Variants in KCNIP4 observed in about 807,000 individuals in gnomAD.
The protein encoded by KCNIP4 is Kv channel-interacting protein 4.
KCNIP4 carries 12 observed loss-of-function variants against 34.0 expected under a neutral mutation model. That is an observed-to-expected ratio of 0.35 (90% CI 0.23 to 0.57). The LOEUF (loss-of-function observed/expected upper bound fraction) is 0.57, where lower values mean the gene tolerates loss of function less well. KCNIP4 is among the 20% of genes least tolerant of loss of function. The pLI, the probability that KCNIP4 is intolerant of heterozygous loss-of-function variation, is 0.83. For synonymous variants in KCNIP4, 124 were observed against 102.2 expected (o/e 1.21, Z -1.29); for missense variants, 238 against 311.7 (o/e 0.76, Z 1.78).
intron 3 of KCNIP4, among the ~76,000 whole-genome samples, chr4:20,806,841 G>C (rs10002199): frequency 6.6e-6 from 1 of 151,750 alleles, no homozygotes; most frequent in Admixed American, 6.6e-5. Context: ...GAAACAAGGG[G>C]TATGGATGTG....
At chr4:20,995,051 G>A (rs1355493357) in intron 1 of KCNIP4, among the ~76,000 whole-genome samples, 2 of 152,132 alleles carry the variant, frequency 1.3e-5, no homozygotes, top group Admixed American at 6.5e-5. Context: ...TTTTCCTGGA[G>A]TAAGTTTACC....
Position 20,741,267 on chromosome 4 carries a change from G to C in KCNIP4, c.430-6532C>G, listed in dbSNP as rs140034605. ...CTCCACCCCAAATCAACAGAATATA[G>C]ATTCTTCTCAGCACTACGTCACACT... On this transcript the variant is annotated intron_variant, in intron 5 of 8. Transcript: ENST00000382152. 5.1e-3 allele frequency among the ~76,000 whole-genome samples: 773 copies of C among 152,180 alleles called. 8 individuals are homozygous for C. The highest frequency in any genetic ancestry group is 0.017 in the African/African-American group (712 of 41,524).
intron 1 of KCNIP4, among the ~76,000 whole-genome samples, chr4:21,248,679 G>A (rs79358520): frequency 0.027 from 4,106 of 152,196 alleles, 90 homozygotes; most frequent in East Asian, 0.14. Context: ...TCCAGAAGTG[G>A]GGTGCTCAGC....
chr4:21,373,673 G>A (rs1487728075), intron 1 of KCNIP4, among the ~76,000 whole-genome samples: 1 of 146,844 alleles, frequency 6.8e-6, no homozygotes, highest in East Asian at 2.0e-4. Context: ...CATAAAGGTT[G>A]GGTTTCTCAT....
At chr4:21,351,082 A>T (rs1475570176) in intron 1 of KCNIP4, among the ~76,000 whole-genome samples, 1 of 152,198 alleles carries the variant, frequency 6.6e-6, no homozygotes, top group African/African-American at 2.4e-5. Flanking sequence ...GTCAGACAGG[A>T]TATTAATGAT....
chr4:21,184,579 T>A (rs1157193412), intron 1 of KCNIP4, among the ~76,000 whole-genome samples: 2 of 152,168 alleles, frequency 1.3e-5, no homozygotes, highest in Non-Finnish European at 2.9e-5. Flanking sequence ...CTGGTATTAA[T>A]GAGGCCAAGG....
intron 1 of KCNIP4, among the ~76,000 whole-genome samples, chr4:21,820,866 C>T (rs1578031892): frequency 1.3e-5 from 2 of 152,074 alleles, no homozygotes; most frequent in East Asian, 1.9e-4. Context: ...ATTGTACAGT[C>T]ATTCTACTTG....
chr4:21,787,212 C>T (rs554421915), intron 1 of KCNIP4, among the ~76,000 whole-genome samples: 45 of 152,264 alleles, frequency 3.0e-4, no homozygotes, highest in African/African-American at 8.9e-4. Context: ...ATATAAAACA[C>T]GAATAAATTT....
At chr4:21,433,121 T>G (rs114717119) in intron 1 of KCNIP4, among the ~76,000 whole-genome samples, 1,542 of 152,246 alleles carry the variant, frequency 0.01, 26 homozygotes, top group African/African-American at 0.035. Context: ...TGCCTTATAG[T>G]AGGTGGAGTA....
At chr4:21,005,705 A>G (rs1738492220) in intron 1 of KCNIP4, among the ~76,000 whole-genome samples, 1 of 152,154 alleles carries the variant, frequency 6.6e-6, no homozygotes, top group African/African-American at 2.4e-5. Flanking sequence ...TGAAAATAGA[A>G]TTATAGAATT....
At chr4:21,776,955 G>C (rs1020219653) in intron 1 of KCNIP4, among the ~76,000 whole-genome samples, 5 of 151,988 alleles carry the variant, frequency 3.3e-5, no homozygotes, top group African/African-American at 1.2e-4. Context: ...TAGAGACAAG[G>C]TTAGACAGGG....
rs1317331643 is a variant in KCNIP4, at chr4:21,731,821, T to G, written c.61+216750A>C. Among the ~76,000 whole-genome samples the G allele has an allele frequency of 2.0e-5, 3 of 152,102 alleles. No individual in the cohort carries two copies. The East Asian group carries it at 5.8e-4, about 29-fold the overall frequency. ...TCAAGAGATGAGATTGCCATTTTCTTTCCATGTACTAAAAGAATACCAGAC... is the reference window on the plus strand; with the variant it reads ...TCAAGAGATGAGATTGCCATTTTCTGTCCATGTACTAAAAGAATACCAGAC... On this transcript the variant is annotated intron_variant, in intron 1 of 8. Transcript: ENST00000382152.
intron 1 of KCNIP4, among the ~76,000 whole-genome samples, chr4:21,365,820 T>C (rs1055404963): frequency 1.3e-5 from 2 of 152,210 alleles, no homozygotes; most frequent in Non-Finnish European, 2.9e-5. Context: ...GAAATGTTCA[T>C]ATTCCAGTTT....
intron 1 of KCNIP4, among the ~76,000 whole-genome samples, chr4:21,486,177 C>A (rs955079848): frequency 1.3e-5 from 2 of 152,264 alleles, no homozygotes; most frequent in Non-Finnish European, 2.9e-5. Flanking sequence ...TTGATTATTA[C>A]AAAGAATCTT....
At chr4:21,172,056 C>T (rs1483833631) in intron 1 of KCNIP4, among the ~76,000 whole-genome samples, 1 of 152,148 alleles carries the variant, frequency 6.6e-6, no homozygotes, top group East Asian at 1.9e-4. Flanking sequence ...GAGACAGAGT[C>T]TCACTCTGTT....
chr4:21,215,568 A>G (rs976361767), intron 1 of KCNIP4, among the ~76,000 whole-genome samples: 3 of 152,166 alleles, frequency 2.0e-5, no homozygotes, highest in Non-Finnish European at 4.4e-5. Context: ...AACTCTGTGC[A>G]TGCTGGGCAC....
chr4:21,048,144 G>A (rs980821966), intron 1 of KCNIP4, among the ~76,000 whole-genome samples: 3 of 152,176 alleles, frequency 2.0e-5, no homozygotes, highest in African/African-American at 4.8e-5. Flanking sequence ...GTATTAGTAA[G>A]GTTAAGTAAT....
At chr4:21,074,240 G>A (rs1378269628) in intron 1 of KCNIP4, among the ~76,000 whole-genome samples, 1 of 152,170 alleles carries the variant, frequency 6.6e-6, no homozygotes, top group African/African-American at 2.4e-5. Flanking sequence ...ACCTCTGGTA[G>A]AAATCGGCTG....
chr4:21,224,657 G>A (rs1758240176), intron 1 of KCNIP4, among the ~76,000 whole-genome samples: 1 of 124,546 alleles, frequency 8.0e-6, no homozygotes, highest in African/African-American at 3.2e-5. Flanking sequence ...TGCCATCTCA[G>A]CTCACTGCAG....
Sources: gnomAD v4.1 joint callset for allele counts (sites outside exome capture counted in the v4.1 genomes callset) on GRCh38, gnomAD v4.1.1 for gene constraint, MANE v1.5 for transcripts, NCBI Gene and HGNC (gene_info 2026-07-23, HGNC 2026-07-21) for gene names.